ACACA: variants seen among roughly 807,000 people sequenced by gnomAD.
The protein encoded by ACACA is acetyl-CoA carboxylase 1.
A neutral mutation model predicts 296.1 loss-of-function variants in ACACA; 103 were observed. That is an observed-to-expected ratio of 0.35 (90% CI 0.30 to 0.41). ACACA has a LOEUF of 0.41. ACACA is among the 10% of genes least tolerant of loss of function. The pLI, the probability that ACACA is intolerant of heterozygous loss-of-function variation, is 1.00. For synonymous variants in ACACA, 953 were observed against 1,038.6 expected (o/e 0.92, Z 1.58); for missense variants, 1,554 against 2,989.7 (o/e 0.52, Z 11.20).
chr17:37,347,276 T>C (rs2048670029), intron 1 of ACACA, among the ~76,000 whole-genome samples: 1 of 152,194 alleles, frequency 6.6e-6, no homozygotes. Context: ...TCCGCCATGA[T>C]TGTGAGGTCT....
At chr17:37,336,350 G>T (rs1021335133) in intron 2 of ACACA, among the ~76,000 whole-genome samples, 1 of 152,098 alleles carries the variant, frequency 6.6e-6, no homozygotes, top group Non-Finnish European at 1.5e-5. Flanking sequence ...TGTTGAGAGG[G>T]GGGACTGAGA....
intron 3 of ACACA, chr17:37,328,900 T>C (rs2047736298): frequency 2.5e-6 from 1 of 398,470 alleles, no homozygotes. Context: ...TCTCTGGGGA[T>C]GGGGCTTATC....
intron 45 of ACACA, among the ~76,000 whole-genome samples, chr17:37,148,614 A>G (rs1020152193): frequency 6.6e-6 from 1 of 152,248 alleles, no homozygotes; most frequent in Non-Finnish European, 1.5e-5. Flanking sequence ...GAGTAAACAT[A>G]ATATCTGATA....
At chr17:37,360,684 T>A (rs192024977) in intron 1 of ACACA, among the ~76,000 whole-genome samples, 2 of 130,766 alleles carry the variant, frequency 1.5e-5, no homozygotes, top group African/African-American at 5.0e-5. Context: ...TCTAAATAAA[T>A]AAGTTAATTA....
chr17:37,302,765 A>T (rs1173963444), intron 3 of ACACA, among the ~76,000 whole-genome samples: 7 of 152,138 alleles, frequency 4.6e-5, no homozygotes, highest in African/African-American at 1.4e-4. Flanking sequence ...AAATATACTT[A>T]ACTTTTCTAT....
chr17:37,160,687 A>AGAAGCAAGTT (rs1270754856), intron 42 of ACACA, among the ~76,000 whole-genome samples: 9 of 152,214 alleles, frequency 5.9e-5, no homozygotes, highest in African/African-American at 1.4e-4. Context: ...GAGTGAAGAG[A>AGAAGCAAGTT]GAAGCAAGTT....
chr17:37,368,330 C>T (rs1443999618), intron 1 of ACACA, among the ~76,000 whole-genome samples: 2 of 151,762 alleles, frequency 1.3e-5, no homozygotes, highest in East Asian at 3.9e-4. Flanking sequence ...CCTATAATCC[C>T]AGAACTTTGG....
chr17:37,346,563 G>A (rs541022674), intron 1 of ACACA, among the ~76,000 whole-genome samples: 9 of 150,420 alleles, frequency 6.0e-5, no homozygotes, highest in East Asian at 2.0e-4. Context: ...TTAGCCGGGC[G>A]TGGTGGCGGG....
At chr17:37,375,357 G>A (rs2049960704) in intron 1 of ACACA, among the ~76,000 whole-genome samples, 1 of 151,778 alleles carries the variant, frequency 6.6e-6, no homozygotes, top group Admixed American at 6.6e-5. Flanking sequence ...CATGGTAGTG[G>A]GCGCCTGTAG....
At chr17:37,319,555 G>A (rs542779003) in intron 3 of ACACA, among the ~76,000 whole-genome samples, 2 of 152,172 alleles carry the variant, frequency 1.3e-5, no homozygotes, top group Admixed American at 1.3e-4. Context: ...GGGCACGGTA[G>A]CTCACACCTG....
At chr17:37,164,694 A>G (rs1336277287) in intron 41 of ACACA, among the ~76,000 whole-genome samples, 1 of 152,204 alleles carries the variant, frequency 6.6e-6, no homozygotes, top group East Asian at 1.9e-4. Flanking sequence ...ATCTGCCTTC[A>G]CACATGCCCC....
At position 37,406,450 on chromosome 17, in the gene ACACA, C is replaced by T. The variant is rs1352525014; in HGVS notation, c.-151G>A. 2 of 858,948 alleles carry T rather than the reference C, an allele frequency of 2.3e-6. No individual in the cohort carries two copies. Among genetic ancestry groups the T allele is most frequent in the Non-Finnish European group, 1.8e-6 (1 of 542,072 alleles). The allele number at this position is 858,948 out of a possible 1,614,324, so 53.2% of individuals were successfully genotyped here. On this transcript the variant is annotated 5_prime_UTR_variant, in exon 1 of 56. Coordinates refer to ENST00000616317, the MANE Select transcript of ACACA (RefSeq NM_198834.3). ...CAGTCTGGTTCATCCACGAGCAGCC[C>T]TTCGGGGCCCGGACTGGAGAGGCGC... is the stretch of plus-strand genomic sequence containing the variant.
At chr17:37,203,206 C>T (rs139528094) in intron 33 of ACACA, among the ~76,000 whole-genome samples, 29 of 151,974 alleles carry the variant, frequency 1.9e-4, no homozygotes, top group Middle Eastern at 3.4e-3. Context: ...GTGATCTGCC[C>T]GCCTTGGCCT....
At chr17:37,257,674 A>G (rs1336612974) in intron 14 of ACACA, 29 bp downstream of exon 14, 2 of 1,610,370 alleles carry the variant, frequency 1.2e-6, no homozygotes, top group Non-Finnish European at 1.7e-6. Flanking sequence ...TTTATTTTGT[A>G]AAATGCAATC....
intron 3 of ACACA, among the ~76,000 whole-genome samples, chr17:37,318,546 C>A (rs528114025): frequency 6.6e-6 from 1 of 152,224 alleles, no homozygotes; most frequent in Admixed American, 6.5e-5. Flanking sequence ...TGGCCTCCTG[C>A]ATTTTCAATA....
At chr17:37,389,308 G>A (rs2050684967) in intron 1 of ACACA, 4 of 1,598,932 alleles carry the variant, frequency 2.5e-6, no homozygotes, top group Non-Finnish European at 2.6e-6. Context: ...GGCAAAAGAA[G>A]GGAGGCCAGC....
At chr17:37,173,686 A>C (rs1157926390) in intron 41 of ACACA, among the ~76,000 whole-genome samples, 1 of 151,996 alleles carries the variant, frequency 6.6e-6, no homozygotes, top group East Asian at 1.9e-4. Flanking sequence ...CAATTAAAAC[A>C]ATAATTAAAT....
chr17:37,250,021 T>G (rs780971209), intron 16 of ACACA, among the ~76,000 whole-genome samples: 2 of 152,240 alleles, frequency 1.3e-5, no homozygotes, highest in African/African-American at 2.4e-5. Context: ...GATGTGTCTT[T>G]GCTCTTCCTT....
At chr17:37,285,450 C>G in intron 3 of ACACA, among the ~76,000 whole-genome samples, 1 of 152,130 alleles carries the variant, frequency 6.6e-6, no homozygotes, top group Non-Finnish European at 1.5e-5. Flanking sequence ...AAACAAAATT[C>G]TTTACAAGGC....
Sources: allele counts gnomAD v4.1 joint callset (sites outside exome capture counted in the v4.1 genomes callset), GRCh38; gene constraint gnomAD v4.1.1; transcripts MANE v1.5; gene names NCBI Gene and HGNC (gene_info 2026-07-23, HGNC 2026-07-21).